Variants in MEOX2 observed in about 807,000 individuals in gnomAD.
The protein encoded by MEOX2 is mesenchyme homeobox 2, also known as homeobox protein MOX-2.
MEOX2 carries 11 observed loss-of-function variants against 27.0 expected under a neutral mutation model. The observed-to-expected ratio is 0.41, with a 90% CI of 0.26 to 0.68. The LOEUF (loss-of-function observed/expected upper bound fraction) is 0.68. Among genes scored for constraint, MEOX2 ranks in the 30% least tolerant of loss-of-function variants. MEOX2 has a pLI of 0.33. For synonymous variants in MEOX2, 189 were observed against 155.4 expected, an observed-to-expected ratio of 1.22 and a Z score of -1.61; for missense variants, 436 against 385.4, an observed-to-expected ratio of 1.13 and a Z score of -1.10.
chr7:15,612,385 T>C lies in MEOX2; in HGVS notation c.*2A>G, dbSNP rs1487348263. 1 of 1,612,324 alleles carries C rather than the reference T, an allele frequency of 6.2e-7. No homozygotes were observed. The highest frequency in any genetic ancestry group is 8.5e-7 in the Non-Finnish European group (1 of 1,178,586). On this transcript the variant is annotated 3_prime_UTR_variant, in exon 3 of 3. Coordinates refer to ENST00000262041, the MANE Select transcript of MEOX2 (RefSeq NM_005924.5). ...GAGAATGGAGCTGGTCCTCTGTTTA[T>C]ATCATAAGTGCGCATGCTCTGAGCT...
chr7:15,669,990 C>G (rs1427412150), intron 1 of MEOX2, among the ~76,000 whole-genome samples: 1 of 152,202 alleles, frequency 6.6e-6, no homozygotes, highest in Non-Finnish European at 1.5e-5. Flanking sequence ...CTCCCCATTC[C>G]TCAAGAGGCC....
intron 2 of MEOX2, among the ~76,000 whole-genome samples, chr7:15,623,523 C>T (rs896410302): frequency 6.6e-6 from 1 of 152,118 alleles, no homozygotes; most frequent in Non-Finnish European, 1.5e-5. Flanking sequence ...GTGCCTGCCA[C>T]CACGCCTGGC....
At chr7:15,653,679 A>G (rs1374389274) in intron 1 of MEOX2, among the ~76,000 whole-genome samples, 1 of 151,926 alleles carries the variant, frequency 6.6e-6, no homozygotes, top group Non-Finnish European at 1.5e-5. Context: ...TTAGATCAAG[A>G]TTGTTTTTTA....
intron 1 of MEOX2, among the ~76,000 whole-genome samples, chr7:15,642,492 A>G (rs1313119559): frequency 4.0e-5 from 6 of 151,742 alleles, no homozygotes; most frequent in African/African-American, 1.5e-4. Context: ...TAATATATCT[A>G]TCTTGCCTTT....
chr7:15,622,846 G>A (rs947067420), intron 2 of MEOX2, among the ~76,000 whole-genome samples: 2 of 152,066 alleles, frequency 1.3e-5, no homozygotes, highest in African/African-American at 4.8e-5. Context: ...AGATTAGGTC[G>A]TAAGAACAGA....
intron 1 of MEOX2, chr7:15,681,896 A>C (rs1458609033): frequency 6.6e-6 from 1 of 151,870 alleles, no homozygotes; most frequent in Non-Finnish European, 1.5e-5. Context: ...AAATTTACAC[A>C]GAATTGGAAA....
chr7:15,658,986 T>G (rs1562608663), intron 1 of MEOX2, among the ~76,000 whole-genome samples: 3 of 152,294 alleles, frequency 2.0e-5, no homozygotes, highest in Middle Eastern at 3.4e-3. Context: ...GTTTTACATA[T>G]AATGTCCAAT....
At chr7:15,617,520 A>G (rs186238002) in intron 2 of MEOX2, among the ~76,000 whole-genome samples, 15 of 152,166 alleles carry the variant, frequency 9.9e-5, no homozygotes, top group Admixed American at 7.2e-4. Context: ...AAAGGTGAAA[A>G]ATGGGGAAAA....
At chr7:15,670,600 G>A (rs545813983) in intron 1 of MEOX2, among the ~76,000 whole-genome samples, 57 of 152,248 alleles carry the variant, frequency 3.7e-4, no homozygotes, top group African/African-American at 1.1e-3. Flanking sequence ...TACTTGGAAC[G>A]TGCTTAGTGG....
chr7:15,626,732 A>G lies in MEOX2; in HGVS notation c.690+14T>C. ...AATTAAAAAAGATCATATAATGATA[A>G]TGCCCAGCTTTACCTGTCTTTCAGT... On this transcript the variant is annotated intron_variant, in intron 2 of 2. Transcript: ENST00000262041. 6.3e-7 allele frequency: 1 copy of G among 1,592,908 alleles called. No homozygotes were observed. The highest frequency in any genetic ancestry group is 8.6e-7 in the Non-Finnish European group (1 of 1,164,192).
intron 2 of MEOX2, among the ~76,000 whole-genome samples, chr7:15,614,463 A>G (rs1781089883): frequency 6.6e-6 from 1 of 151,966 alleles, no homozygotes; most frequent in Non-Finnish European, 1.5e-5. Flanking sequence ...TAATCAATGA[A>G]GTACTGATTT....
At chr7:15,651,840 A>G (rs1470031193) in intron 1 of MEOX2, among the ~76,000 whole-genome samples, 4 of 152,082 alleles carry the variant, frequency 2.6e-5, no homozygotes. Context: ...AAAGCCATAC[A>G]TGATTTCAAC....
intron 1 of MEOX2, among the ~76,000 whole-genome samples, chr7:15,668,548 C>T (rs12533863): frequency 0.098 from 14,841 of 152,084 alleles, 877 homozygotes; most frequent in Middle Eastern, 0.2. Context: ...GTGGCGCTAT[C>T]TCGGCTCACT....
intron 2 of MEOX2, among the ~76,000 whole-genome samples, chr7:15,620,253 T>C (rs1781199777): frequency 1.3e-5 from 2 of 152,170 alleles, no homozygotes; most frequent in South Asian, 4.1e-4. Flanking sequence ...TATATACTGC[T>C]GTAAAGAAAT....
chr7:15,651,664 A>ATCT (rs1461010761), intron 1 of MEOX2, among the ~76,000 whole-genome samples: 1 of 152,012 alleles, frequency 6.6e-6, no homozygotes, highest in Non-Finnish European at 1.5e-5. Context: ...ATTCTGAGAA[A>ATCT]TCTTGCACTA....
At chr7:15,672,599 C>A (rs138604357) in intron 1 of MEOX2, among the ~76,000 whole-genome samples, 1 of 151,936 alleles carries the variant, frequency 6.6e-6, no homozygotes, top group African/African-American at 2.4e-5. Context: ...TAGAAAGTAT[C>A]CGTAAATATT....
intron 1 of MEOX2, among the ~76,000 whole-genome samples, chr7:15,653,137 T>A (rs1781761128): frequency 6.6e-6 from 1 of 151,850 alleles, no homozygotes; most frequent in African/African-American, 2.4e-5. Context: ...ATGCTTGCCA[T>A]CATGTGTTAG....
intron 1 of MEOX2, among the ~76,000 whole-genome samples, chr7:15,640,018 A>C (rs1781535458): frequency 6.6e-6 from 1 of 152,092 alleles, no homozygotes; most frequent in South Asian, 2.1e-4. Context: ...ATTCTGTGAA[A>C]AATGACATTA....
At chr7:15,682,576 T>C (rs967758199) in intron 1 of MEOX2, among the ~76,000 whole-genome samples, 3 of 151,910 alleles carry the variant, frequency 2.0e-5, no homozygotes, top group Non-Finnish European at 2.9e-5. Context: ...TTATAAAATA[T>C]GTATCATAAA....
Sources: gnomAD v4.1 joint callset for allele counts (sites outside exome capture counted in the v4.1 genomes callset) on GRCh38, gnomAD v4.1.1 for gene constraint, MANE v1.5 for transcripts, NCBI Gene and HGNC (gene_info 2026-07-23, HGNC 2026-07-21) for gene names.